CPHXL2: variants seen among roughly 807,000 people sequenced by gnomAD.
The protein encoded by CPHXL2 is cytoplasmic polyadenylated homeobox-like protein 2.
At chr16:75,674,908 C>T in the CPHXL2 span, among the ~76,000 whole-genome samples, 2 of 151,944 alleles carry the variant, frequency 1.3e-5, no homozygotes, top group East Asian at 2.0e-4. Context: ...TGGGGTTTCA[C>T]CACCGGGTGC....
the CPHXL2 span, chr16:75,660,913 C>A: frequency 2.5e-6 from 1 of 398,660 alleles, no homozygotes. Flanking sequence ...TGGGAACCCA[C>A]CTGTTGACTG....
the CPHXL2 span, among the ~76,000 whole-genome samples, chr16:75,663,571 T>A: frequency 0.3 from 45,045 of 151,808 alleles, 10,322 homozygotes; most frequent in East Asian, 0.76. Flanking sequence ...GATAAAACAG[T>A]CTCCTCAAGT....
the CPHXL2 span, chr16:75,661,351 A>G: frequency 2.5e-6 from 1 of 397,842 alleles, no homozygotes; most frequent in East Asian, 3.6e-5. Context: ...AAGCCTTTTA[A>G]AAGCAGAGTC....
the CPHXL2 span, among the ~76,000 whole-genome samples, chr16:75,665,953 A>G: frequency 6.6e-6 from 1 of 152,226 alleles, no homozygotes. Context: ...TTGAATGTAA[A>G]TGGCCTAAGT....
At chr16:75,662,482 T>G in the CPHXL2 span, among the ~76,000 whole-genome samples, 1 of 152,090 alleles carries the variant, frequency 6.6e-6, no homozygotes, top group African/African-American at 2.4e-5. Context: ...CTAATCCTGC[T>G]TGGATCTTTA....
chr16:75,672,926 A>C, the CPHXL2 span, among the ~76,000 whole-genome samples: 2 of 151,794 alleles, frequency 1.3e-5, no homozygotes, highest in Non-Finnish European at 2.9e-5. Flanking sequence ...AAAAGCAAAA[A>C]ACAAATTAGC....
chr16:75,670,347 G>A, the CPHXL2 span, among the ~76,000 whole-genome samples: 6 of 152,184 alleles, frequency 3.9e-5, no homozygotes, highest in Admixed American at 6.5e-5. Flanking sequence ...CGGAATCGGA[G>A]CCTGAAAGGG....
At chr16:75,667,624 T>C in the CPHXL2 span, among the ~76,000 whole-genome samples, 1 of 152,348 alleles carries the variant, frequency 6.6e-6, no homozygotes, top group Middle Eastern at 3.4e-3. Context: ...CAGCAGATAA[T>C]TGTAAAGCCC....
At chr16:75,661,195 A>C in the CPHXL2 span, 1 of 400,818 alleles carries the variant, frequency 2.5e-6, no homozygotes, top group Non-Finnish European at 4.4e-6. Flanking sequence ...CAAGTAAGAA[A>C]TATTCTTTGT....
the CPHXL2 span, among the ~76,000 whole-genome samples, chr16:75,664,661 CA>C: frequency 6.9e-6 from 1 of 144,040 alleles, no homozygotes; most frequent in Non-Finnish European, 1.5e-5. Flanking sequence ...GAAAAACAAA[CA>C]AAACCCCAAA....
chr16:75,669,665 A>G, the CPHXL2 span: 2 of 396,524 alleles, frequency 5.0e-6, no homozygotes, highest in Non-Finnish European at 8.9e-6. Flanking sequence ...GTTGAAATCC[A>G]GGCGTGACCT....
chr16:75,672,463 C>T, the CPHXL2 span, among the ~76,000 whole-genome samples: 1 of 152,020 alleles, frequency 6.6e-6, no homozygotes, highest in African/African-American at 2.4e-5. Context: ...GAGTGGCTCA[C>T]ACCTGTAATG....
chr16:75,669,719 T>A, the CPHXL2 span, among the ~76,000 whole-genome samples: 1 of 152,196 alleles, frequency 6.6e-6, no homozygotes, highest in South Asian at 2.1e-4. Flanking sequence ...AAGCAGGAAT[T>A]GGCTAACTCT....
At chr16:75,667,639 C>T in the CPHXL2 span, among the ~76,000 whole-genome samples, 3 of 152,204 alleles carry the variant, frequency 2.0e-5, no homozygotes, top group African/African-American at 7.2e-5. Flanking sequence ...AAGCCCTTAC[C>T]ACTCTGCTAG....
chr16:75,676,307 G>GA, the CPHXL2 span, among the ~76,000 whole-genome samples: 8 of 150,676 alleles, frequency 5.3e-5, no homozygotes, highest in African/African-American at 7.3e-5. Flanking sequence ...TGTGAGCTAG[G>GA]AAAAAAAAAT....
the CPHXL2 span, chr16:75,661,051 A>G: frequency 2.5e-6 from 1 of 400,806 alleles, no homozygotes; most frequent in East Asian, 3.6e-5. Context: ...TCCAGAAGGG[A>G]GCAACCAGGT....
At chr16:75,672,437 T>A in the CPHXL2 span, among the ~76,000 whole-genome samples, 8 of 151,690 alleles carry the variant, frequency 5.3e-5, no homozygotes, top group African/African-American at 1.9e-4. Context: ...AGAAAGAATC[T>A]TGTGTATGCC....
the CPHXL2 span, among the ~76,000 whole-genome samples, chr16:75,665,610 C>A: frequency 2.6e-5 from 4 of 152,092 alleles, no homozygotes; most frequent in Admixed American, 6.5e-5. Flanking sequence ...TGCTTGTAAT[C>A]CCAGCACTTT....
chr16:75,669,473 C>G, the CPHXL2 span: 1 of 400,620 alleles, frequency 2.5e-6, no homozygotes, highest in Admixed American at 4.4e-5. Context: ...AATAATTCTT[C>G]AGAAAATTTA....
Sources: gnomAD v4.1 joint callset for allele counts (sites outside exome capture counted in the v4.1 genomes callset) on GRCh38, gnomAD v4.1.1 for gene constraint, MANE v1.5 for transcripts, NCBI Gene and HGNC (gene_info 2026-07-23, HGNC 2026-07-21) for gene names.